The following PHF14 variants were observed in gnomAD, a reference collection of about 807,000 sequenced individuals.
PHF14 encodes PHD finger protein 14.
Under a neutral mutation model 117.9 loss-of-function variants are expected in PHF14, and 55 were observed. The observed-to-expected ratio is 0.47, with a 90% confidence interval of 0.38 to 0.58. The LOEUF is 0.58. Among genes scored for constraint, PHF14 ranks in the 20% least tolerant of loss-of-function variants. PHF14 has a pLI of 0.00. For missense variants in PHF14, 978 were observed against 1,122.2 expected (o/e 0.87, Z 1.84); for synonymous variants, 409 against 368.6 (o/e 1.11, Z -1.26).
chr7:11,094,048 A>T (rs75648961), intron 16 of PHF14, among the ~76,000 whole-genome samples: 1,849 of 151,984 alleles, frequency 0.012, 27 homozygotes, highest in African/African-American at 0.043. Flanking sequence ...CTTAAAGGAG[A>T]AGGGTCTGGG....
At chr7:11,095,278 C>G (rs945207278) in intron 16 of PHF14, among the ~76,000 whole-genome samples, 11 of 152,140 alleles carry the variant, frequency 7.2e-5, no homozygotes, top group Non-Finnish European at 1.3e-4. Context: ...AGTGAGAAAA[C>G]TGAGGCAAGT....
intron 5 of PHF14, among the ~76,000 whole-genome samples, chr7:11,021,966 G>T (rs191863016): frequency 3.6e-4 from 55 of 152,096 alleles, no homozygotes; most frequent in African/African-American, 1.1e-3. Context: ...ATATTCACAG[G>T]GTTAATAGAG....
chr7:11,080,595 G>A (rs1786060869), intron 16 of PHF14, among the ~76,000 whole-genome samples: 1 of 152,062 alleles, frequency 6.6e-6, no homozygotes, highest in Admixed American at 6.6e-5. Context: ...TCTCCCTGAT[G>A]TCTCAAAATA....
At chr7:11,148,512 G>A (rs1788616166) in intron 17 of PHF14, among the ~76,000 whole-genome samples, 1 of 152,076 alleles carries the variant, frequency 6.6e-6, no homozygotes, top group South Asian at 2.1e-4. Flanking sequence ...TGACTACCTT[G>A]CCTAAGAGAA....
intron 16 of PHF14, among the ~76,000 whole-genome samples, chr7:11,091,644 G>C (rs1035215239): frequency 6.6e-6 from 1 of 152,052 alleles, no homozygotes; most frequent in African/African-American, 2.4e-5. Flanking sequence ...TGTAGTTCCA[G>C]CTACTCCGGA....
intron 4 of PHF14, among the ~76,000 whole-genome samples, chr7:11,005,658 A>G (rs1488250837): frequency 6.6e-6 from 1 of 152,170 alleles, no homozygotes; most frequent in African/African-American, 2.4e-5. Context: ...AATGATACAT[A>G]GAATGGCTCA....
chr7:11,152,463 T>C (rs1348471315), intron 17 of PHF14, among the ~76,000 whole-genome samples: 2 of 152,084 alleles, frequency 1.3e-5, no homozygotes, highest in Non-Finnish European at 2.9e-5. Context: ...TTTAATAATA[T>C]ACAATAATAT....
intron 4 of PHF14, among the ~76,000 whole-genome samples, chr7:11,011,552 T>G (rs1374817595): frequency 6.6e-6 from 1 of 152,232 alleles, no homozygotes; most frequent in African/African-American, 2.4e-5. Flanking sequence ...ATAAACCTGG[T>G]CAAAAGGATG....
chr7:11,004,418 A>G (rs894298536), intron 4 of PHF14, among the ~76,000 whole-genome samples: 1 of 149,652 alleles, frequency 6.7e-6, no homozygotes, highest in Non-Finnish European at 1.5e-5. Context: ...TTAATAGCCA[A>G]TAATATGCAC....
intron 16 of PHF14, chr7:11,104,942 C>T: frequency 1.0e-6 from 1 of 957,480 alleles, no homozygotes; most frequent in Non-Finnish European, 1.2e-6. Context: ...TTAACATCTC[C>T]TTAAAAGGTC....
At chr7:11,004,191 G>A (rs1319971489) in intron 4 of PHF14, among the ~76,000 whole-genome samples, 2 of 131,468 alleles carry the variant, frequency 1.5e-5, no homozygotes, top group African/African-American at 5.9e-5. Context: ...AGGCTGCAGT[G>A]AACCAAGATT....
chr7:11,029,308 G>A (rs1189637098), intron 7 of PHF14, among the ~76,000 whole-genome samples: 3 of 152,032 alleles, frequency 2.0e-5, no homozygotes, highest in Non-Finnish European at 4.4e-5. Context: ...TTCAGTGTTT[G>A]GGGACTGGTT....
In PHF14 at chr7:11,051,585, T is replaced by A. The variant is rs141259698; in HGVS notation, c.2313-27T>A. On this transcript the variant is annotated intron_variant, in intron 13 of 17. Transcript: ENST00000634607. Reference sequence around the variant, plus strand: ...AAGCCAGAAGATAATAATAAATGCATGACTTAAATTTTTCCCCTTTATGTA... The same window carrying A: ...AAGCCAGAAGATAATAATAAATGCAAGACTTAAATTTTTCCCCTTTATGTA... 1,405 of 1,582,122 alleles carry A rather than the reference T, an allele frequency of 8.9e-4. 1 individual carries two copies. Among genetic ancestry groups the A allele is most frequent in the Middle Eastern group, 2.2e-3 (13 of 5,962 alleles).
At chr7:11,160,131 A>G (rs780706673) in intron 17 of PHF14, among the ~76,000 whole-genome samples, 12 of 151,964 alleles carry the variant, frequency 7.9e-5, no homozygotes, top group Admixed American at 2.0e-4. Flanking sequence ...TGTGTACCCA[A>G]TGTGCTCCCA....
intron 14 of PHF14, among the ~76,000 whole-genome samples, chr7:11,058,197 A>C (rs1291861115): frequency 1.3e-5 from 2 of 152,250 alleles, no homozygotes; most frequent in East Asian, 3.8e-4. Flanking sequence ...GAGATGGGAC[A>C]AGCTCTTTGG....
intron 17 of PHF14, among the ~76,000 whole-genome samples, chr7:11,141,525 G>C (rs1788396554): frequency 6.6e-6 from 1 of 151,988 alleles, no homozygotes; most frequent in Admixed American, 6.6e-5. Context: ...GTTATATGCA[G>C]AAAAAGTAAA....
chr7:10,997,156 TACAC>T (rs1782682841), intron 4 of PHF14, among the ~76,000 whole-genome samples: 1 of 152,236 alleles, frequency 6.6e-6, no homozygotes, highest in South Asian at 2.1e-4. Context: ...TATCTATACA[TACAC>T]ATATAAGTTT....
At chr7:11,140,032 C>T (rs1185529638) in intron 17 of PHF14, among the ~76,000 whole-genome samples, 1 of 152,076 alleles carries the variant, frequency 6.6e-6, no homozygotes, top group African/African-American at 2.4e-5. Flanking sequence ...ACATGTTACC[C>T]TGTAACACCT....
intron 4 of PHF14, among the ~76,000 whole-genome samples, chr7:11,009,547 T>C (rs948477508): frequency 2.0e-5 from 3 of 152,208 alleles, no homozygotes; most frequent in African/African-American, 7.2e-5. Flanking sequence ...AAAGAAAATA[T>C]GTTTCCCATA....
Sources: allele counts gnomAD v4.1 joint callset (sites outside exome capture counted in the v4.1 genomes callset), GRCh38; gene constraint gnomAD v4.1.1; transcripts MANE v1.5; gene names NCBI Gene and HGNC (gene_info 2026-07-23, HGNC 2026-07-21).